Variants in PRSS23 observed in about 807,000 individuals in gnomAD.
The protein encoded by PRSS23 is protease, serine 23.
In PRSS23, 25 loss-of-function variants were observed where a neutral mutation model predicts 34.7. The observed-to-expected ratio is 0.72, with a 90% CI of 0.53 to 1.01. PRSS23 has a LOEUF of 1.01. PRSS23 is among the 50% of genes least tolerant of loss of function. The probability of loss-of-function intolerance (pLI) is 0.00; values close to 1 mark genes in which losing one functional copy is unlikely to be tolerated. For synonymous variants in PRSS23, 176 were observed against 186.6 expected, an observed-to-expected ratio of 0.94 and a Z score of 0.46; for missense variants, 445 against 475.6, an observed-to-expected ratio of 0.94 and a Z score of 0.60.
In PRSS23 at chr11:86,807,721, C is replaced by T. The variant is rs750167972; in HGVS notation, c.78C>T (p.Ala26=). The T allele has an allele frequency of 1.9e-6, 3 of 1,613,892 alleles. No individual in the cohort carries two copies. Among genetic ancestry groups the T allele is most frequent in the Admixed American group, 1.7e-5 (1 of 59,988 alleles). The stretch of plus-strand genomic sequence containing the variant: ...TTGGGCAAGTGAGCCCTTACAGTGC[C>T]CCCTGGAAACCCACTTGGCCTGCAT... ...CAVGQVSPYS[A]PWKPTWPAYR... Residue 26 remains alanine (A), a synonymous_variant, in exon 2 of 2, where the codon GCC becomes GCT. Coordinates refer to ENST00000280258, the MANE Select transcript of PRSS23 (RefSeq NM_007173.6).
intron 2 of PRSS23, among the ~76,000 whole-genome samples, chr11:86,905,640 T>A (rs1328187583): frequency 1.3e-5 from 2 of 152,226 alleles, no homozygotes; most frequent in Non-Finnish European, 2.9e-5. Context: ...TCTGCCTCCC[T>A]TTCTTTAAGG....
intron 2 of PRSS23, among the ~76,000 whole-genome samples, chr11:86,930,454 T>G (rs557700267): frequency 1.2e-4 from 19 of 152,180 alleles, no homozygotes; most frequent in Admixed American, 4.6e-4. Context: ...GCTTTTAAAC[T>G]GAGACTGGAA....
intron 2 of PRSS23, among the ~76,000 whole-genome samples, chr11:86,904,797 C>A (rs2134987242): frequency 6.6e-6 from 1 of 151,972 alleles, no homozygotes; most frequent in East Asian, 1.9e-4. Flanking sequence ...CCTGTAATCC[C>A]AGAATCTTGG....
rs192103235 is a variant in PRSS23 at position 86,868,677 on chromosome 11, A to G, written c.206+45084A>G. On this transcript the variant is annotated intron_variant, in intron 2 of 2. Transcript: ENST00000533902. ...GCCTGTCACATCTTACTCTGGGAGG[A>G]GTGGCAAGGAAGTTAGTTGTCTGGA... is the stretch of plus-strand genomic sequence containing the variant. Among the ~76,000 whole-genome samples, 219 of 152,224 alleles carry G rather than the reference A, an allele frequency of 1.4e-3. 1 individual carries two copies. The highest frequency in any genetic ancestry group is 5.0e-3 in the African/African-American group (207 of 41,544).
At chr11:86,894,301 T>G (rs563355331) in intron 2 of PRSS23, among the ~76,000 whole-genome samples, 1 of 152,320 alleles carries the variant, frequency 6.6e-6, no homozygotes, top group East Asian at 1.9e-4. Context: ...TGAGCCACTG[T>G]GCCCAGCCAG....
At chr11:86,815,728 G>C (rs1249767458), downstream of PRSS23, among the ~76,000 whole-genome samples, 1 of 152,162 alleles carries the variant, frequency 6.6e-6, no homozygotes, top group African/African-American at 2.4e-5. Flanking sequence ...ATATTTGTGA[G>C]AAAGTGAGTG....
At chr11:86,849,660 A>G (rs1195592506) in intron 2 of PRSS23, among the ~76,000 whole-genome samples, 3 of 152,354 alleles carry the variant, frequency 2.0e-5, no homozygotes, top group African/African-American at 7.2e-5. Flanking sequence ...CTAGAATTAC[A>G]AAAACCAAAT....
chr11:86,822,705 T>A (rs1012903380), intron 1 of PRSS23, among the ~76,000 whole-genome samples: 4 of 151,536 alleles, frequency 2.6e-5, no homozygotes, highest in African/African-American at 7.3e-5. Flanking sequence ...AGGAAAACCC[T>A]GTTTACAACC....
chr11:86,845,482 C>T (rs1451614771), intron 2 of PRSS23, among the ~76,000 whole-genome samples: 1 of 152,162 alleles, frequency 6.6e-6, no homozygotes. Flanking sequence ...GGTTTAATCA[C>T]TGCTCACTTC....
At chr11:86,828,721 C>T (rs191717760) in intron 2 of PRSS23, among the ~76,000 whole-genome samples, 21 of 152,296 alleles carry the variant, frequency 1.4e-4, no homozygotes, top group African/African-American at 3.4e-4. Context: ...ATTTGCTCGT[C>T]TGTAAAGTAT....
At chr11:86,909,213 C>CA (rs1948962505) in intron 2 of PRSS23, 9 of 152,284 alleles carry the variant, frequency 5.9e-5, no homozygotes, top group Admixed American at 3.9e-4. Context: ...TGAGGTGGCC[C>CA]ACCCACTGTC....
At chr11:86,840,780 C>G (rs1948441581) in intron 2 of PRSS23, among the ~76,000 whole-genome samples, 1 of 152,154 alleles carries the variant, frequency 6.6e-6, no homozygotes, top group South Asian at 2.1e-4. Flanking sequence ...ACAGTGCAAT[C>G]AAAGTACAAT....
At chr11:86,832,777 C>T (rs1948369759) in intron 2 of PRSS23, 1 of 291,760 alleles carries the variant, frequency 3.4e-6, no homozygotes, top group South Asian at 3.4e-5. Flanking sequence ...ATGAAACACT[C>T]AGCATGGAGG....
chr11:86,922,033 A>G (rs568893775), intron 2 of PRSS23: 1 of 152,346 alleles, frequency 6.6e-6, no homozygotes, highest in South Asian at 2.1e-4. Flanking sequence ...GAGAGGGATC[A>G]AGAAATAGAA....
At chr11:86,804,917 A>G (rs970066163) in intron 1 of PRSS23, among the ~76,000 whole-genome samples, 5 of 152,130 alleles carry the variant, frequency 3.3e-5, no homozygotes, top group African/African-American at 1.2e-4. Context: ...ATACTACCTC[A>G]TCTCCTACTC....
chr11:86,872,150 G>A lies in PRSS23; in HGVS notation c.206+48557G>A, dbSNP rs145506936. Among the ~76,000 whole-genome samples the A allele has an allele frequency of 3.3e-4, 50 of 152,276 alleles. No individual in the cohort carries two copies. In the East Asian group the frequency reaches 7.3e-3, roughly 22 times the overall value. On this transcript the variant is annotated intron_variant, in intron 2 of 2. Coordinates refer to the PRSS23 transcript ENST00000533902. Reference sequence around the variant, plus strand: ...GTTACATACATGCAGCAGGACTCTCGTGGGGATTAAATGTGATAATGTATG... The same window carrying A: ...GTTACATACATGCAGCAGGACTCTCATGGGGATTAAATGTGATAATGTATG...
At chr11:86,835,731 C>G (rs901710516) in intron 2 of PRSS23, among the ~76,000 whole-genome samples, 13 of 152,180 alleles carry the variant, frequency 8.5e-5, no homozygotes, top group Non-Finnish European at 1.5e-4. Context: ...ATAATTTTAG[C>G]CCTAAGTACG....
intron 2 of PRSS23, among the ~76,000 whole-genome samples, chr11:86,930,789 C>CA (rs56369539): frequency 4.1e-4 from 51 of 123,964 alleles, no homozygotes; most frequent in African/African-American, 1.5e-3. Flanking sequence ...GACTCCGTCT[C>CA]AAAAAAAAAA....
At chr11:86,844,907 T>G (rs1948475115) in intron 2 of PRSS23, among the ~76,000 whole-genome samples, 1 of 152,122 alleles carries the variant, frequency 6.6e-6, no homozygotes. Flanking sequence ...CTGACCAACA[T>G]GGAGAAACCC....
Sources: allele counts gnomAD v4.1 joint callset (sites outside exome capture counted in the v4.1 genomes callset), GRCh38; gene constraint gnomAD v4.1.1; transcripts MANE v1.5; gene names NCBI Gene and HGNC (gene_info 2026-07-23, HGNC 2026-07-21).